CDH4: variants seen among roughly 807,000 people sequenced by gnomAD.
CDH4 encodes cadherin-4.
In CDH4, 33 loss-of-function variants were observed where a neutral mutation model predicts 86.0. The observed-to-expected ratio is 0.38, with a 90% CI of 0.29 to 0.51. CDH4 has a LOEUF of 0.51. Ranked by LOEUF, CDH4 falls within the 20% of genes least tolerant of loss-of-function variation. The pLI, the probability that CDH4 is intolerant of heterozygous loss-of-function variation, is 0.86. For missense variants in CDH4, 1,114 were observed against 1,307.4 expected (o/e 0.85, Z 2.28); for synonymous variants, 555 against 549.4 (o/e 1.01, Z -0.14).
intron 7 of CDH4, among the ~76,000 whole-genome samples, chr20:61,894,246 G>A (rs1239201792): frequency 6.6e-6 from 1 of 152,156 alleles, no homozygotes; most frequent in Non-Finnish European, 1.5e-5. Context: ...TGGACTCCCA[G>A]CAAGGGCCCT....
chr20:61,427,709 C>A (rs892872371), intron 2 of CDH4, among the ~76,000 whole-genome samples: 13 of 151,994 alleles, frequency 8.6e-5, no homozygotes, highest in African/African-American at 3.1e-4. Flanking sequence ...CCCCCAATTT[C>A]GTGACAGGCA....
At chr20:61,565,118 G>C (rs145472383) in intron 2 of CDH4, among the ~76,000 whole-genome samples, 2,854 of 140,878 alleles carry the variant, frequency 0.02, 144 homozygotes, top group Non-Finnish European at 0.03. Context: ...TGGTGCTGGT[G>C]CTCTTGGTGG....
At position 61,272,209 on chromosome 20, in the gene CDH4, A is replaced by G. The variant is rs1334228104; in HGVS notation, c.169+17272A>G. Among the ~76,000 whole-genome samples the G allele has an allele frequency of 3.3e-5, 5 of 152,132 alleles. No individual in the cohort carries two copies. The East Asian group carries it at 9.6e-4, about 29-fold the overall frequency. On this transcript the variant is annotated intron_variant, in intron 2 of 15. Transcript: ENST00000614565. ...CCCATTGTTGGATTCTAAAAGGAGG[A>G]TTCTGGAAGGATATCAATCTCCGAC...
At chr20:61,896,411 A>G (rs1301104802) in intron 8 of CDH4, among the ~76,000 whole-genome samples, 3 of 152,226 alleles carry the variant, frequency 2.0e-5, no homozygotes, top group Non-Finnish European at 4.4e-5. Context: ...CCTGGGGCGC[A>G]GCTGCACCAG....
At chr20:61,255,765 C>G (rs2084094781) in intron 2 of CDH4, among the ~76,000 whole-genome samples, 1 of 152,182 alleles carries the variant, frequency 6.6e-6, no homozygotes, top group Non-Finnish European at 1.5e-5. Flanking sequence ...ACTTTTCCCT[C>G]CAGAACTGAC....
At chr20:61,483,662 C>G (rs1022908135) in intron 2 of CDH4, among the ~76,000 whole-genome samples, 28 of 150,790 alleles carry the variant, frequency 1.9e-4, no homozygotes, top group Middle Eastern at 6.9e-3. Context: ...GAGAGGAGCA[C>G]CAGCACCCGC....
intron 2 of CDH4, among the ~76,000 whole-genome samples, chr20:61,472,834 T>C (rs1464547330): frequency 6.6e-6 from 1 of 152,236 alleles, no homozygotes; most frequent in Non-Finnish European, 1.5e-5. Context: ...CAGGCCTGCT[T>C]TTTAGTCAAA....
At chr20:61,797,178 G>A (rs1467304935) in intron 4 of CDH4, among the ~76,000 whole-genome samples, 1 of 152,176 alleles carries the variant, frequency 6.6e-6, no homozygotes, top group Non-Finnish European at 1.5e-5. Context: ...CCAAGTCAAA[G>A]GGCTCACACC....
chr20:61,353,605 T>TGCC lies in CDH4; in HGVS notation c.169+98668_169+98669insGCC, dbSNP rs1568810174. The stretch of plus-strand genomic sequence containing the variant: ...GGCTTTCAATTCAGGTTAATTCCAC[T>TGCC]TCCTCCTCTTCCTCCTCCTCCTCAT... On this transcript the variant is annotated intron_variant, in intron 2 of 15. Coordinates refer to ENST00000614565, the MANE Select transcript of CDH4 (RefSeq NM_001794.5). 7.7e-4 allele frequency among the ~76,000 whole-genome samples: 4 copies of TGCC among 5,184 alleles called. 2 individuals are homozygous for TGCC. The highest frequency in any genetic ancestry group is 0.011 in the East Asian group (2 of 176). 3.4% of individuals were successfully genotyped at this position (5,184 alleles called of 152,430 possible). A position where few individuals can be genotyped will look rare whatever the true frequency, so the allele number is the denominator to read the frequency against.
chr20:61,873,981 TC>T, intron 7 of CDH4, 81 bp downstream of exon 7: 1 of 1,479,428 alleles, frequency 6.8e-7, no homozygotes, highest in Non-Finnish European at 9.3e-7. Context: ...GGGGAGCCTC[TC>T]CAGTGGCGCC....
At chr20:61,528,019 C>T (rs1428909392) in intron 2 of CDH4, among the ~76,000 whole-genome samples, 3 of 152,136 alleles carry the variant, frequency 2.0e-5, no homozygotes, top group African/African-American at 7.2e-5. Flanking sequence ...ATAGTTAAAG[C>T]AGGCCCAGCT....
At chr20:61,594,771 C>T (rs1259342862) in intron 2 of CDH4, among the ~76,000 whole-genome samples, 1 of 152,206 alleles carries the variant, frequency 6.6e-6, no homozygotes, top group Non-Finnish European at 1.5e-5. Context: ...TCGGCCCCCA[C>T]ACAGATACCT....
At chr20:61,713,761 T>C (rs2087918814) in intron 2 of CDH4, among the ~76,000 whole-genome samples, 1 of 152,220 alleles carries the variant, frequency 6.6e-6, no homozygotes, top group Non-Finnish European at 1.5e-5. Flanking sequence ...GCACCACACC[T>C]GCCTTTCGTG....
intron 3 of CDH4, among the ~76,000 whole-genome samples, chr20:61,749,325 A>G (rs984955004): frequency 6.6e-6 from 1 of 152,252 alleles, no homozygotes; most frequent in Non-Finnish European, 1.5e-5. Context: ...AAATATCAGT[A>G]AGGAAATAGA....
At chr20:61,630,088 C>T (rs1183616774) in intron 2 of CDH4, among the ~76,000 whole-genome samples, 2 of 152,168 alleles carry the variant, frequency 1.3e-5, no homozygotes, top group African/African-American at 2.4e-5. Context: ...CAGAAGGTGC[C>T]GCCGCTTACA....
chr20:61,329,589 C>T (rs1421277276), intron 2 of CDH4, among the ~76,000 whole-genome samples: 1 of 152,136 alleles, frequency 6.6e-6, no homozygotes, highest in Non-Finnish European at 1.5e-5. Context: ...GCATAGTTCC[C>T]CCTAAAACAT....
At chr20:61,383,500 A>G (rs1167002907) in intron 2 of CDH4, among the ~76,000 whole-genome samples, 1 of 92,344 alleles carries the variant, frequency 1.1e-5, no homozygotes, top group Non-Finnish European at 2.0e-5. Flanking sequence ...GAAATATATT[A>G]TATATGATAT....
intron 2 of CDH4, among the ~76,000 whole-genome samples, chr20:61,313,618 C>T (rs2084459830): frequency 6.6e-6 from 1 of 152,220 alleles, no homozygotes; most frequent in Admixed American, 6.5e-5. Flanking sequence ...GCCCTGGGAA[C>T]ATCACAGGGG....
At chr20:61,337,930 G>A (rs565292749) in intron 2 of CDH4, among the ~76,000 whole-genome samples, 63 of 152,082 alleles carry the variant, frequency 4.1e-4, no homozygotes, top group African/African-American at 1.4e-3. Context: ...AACTGCAGGG[G>A]GTTAATTAGT....
Sources: allele counts gnomAD v4.1 joint callset (sites outside exome capture counted in the v4.1 genomes callset), GRCh38; gene constraint gnomAD v4.1.1; transcripts MANE v1.5; gene names NCBI Gene and HGNC (gene_info 2026-07-23, HGNC 2026-07-21).